Variants in OGG1 observed in about 807,000 individuals in gnomAD.
OGG1 encodes N-glycosylase/DNA lyase.
In OGG1, 35 loss-of-function variants were observed where a neutral mutation model predicts 42.3. The ratio of observed to expected loss-of-function variants is 0.83; its 90% CI spans 0.63 to 1.10. OGG1 has a LOEUF of 1.10. Ranked by LOEUF, OGG1 falls within the 50% of genes least tolerant of loss-of-function variation. The pLI, the probability that OGG1 is intolerant of heterozygous loss-of-function variation, is 0.00. For synonymous variants in OGG1, 189 were observed against 179.0 expected (o/e 1.06, Z -0.44); for missense variants, 484 against 446.7 (o/e 1.08, Z -0.75).
chr3:9,763,912 G>C (rs1015006284), intron 7 of OGG1, among the ~76,000 whole-genome samples: 5 of 152,066 alleles, frequency 3.3e-5, no homozygotes, highest in Non-Finnish European at 5.9e-5. Flanking sequence ...CTTAAACCTG[G>C]GAAACGGAGG....
chr3:9,763,934 C>T (rs528169694), intron 7 of OGG1, among the ~76,000 whole-genome samples: 2 of 152,220 alleles, frequency 1.3e-5, no homozygotes, highest in Non-Finnish European at 2.9e-5. Flanking sequence ...TGCAGTGAGT[C>T]GAGATCATGC....
downstream of OGG1, chr3:9,761,897 A>G: frequency 7.2e-6 from 10 of 1,382,346 alleles, no homozygotes; most frequent in Non-Finnish European, 9.6e-6. Context: ...AAGAAAATCA[A>G]GGAAGCTCTC....
At chr3:9,780,129 T>G in intron 2 of OGG1, 1 of 442,546 alleles carries the variant, frequency 2.3e-6, no homozygotes, top group Non-Finnish European at 4.0e-6. Context: ...TCCAACCCCA[T>G]CTCGGGGACC....
intron 2 of OGG1, among the ~76,000 whole-genome samples, chr3:9,777,198 T>A (rs1160569736): frequency 6.6e-6 from 1 of 152,244 alleles, no homozygotes; most frequent in East Asian, 1.9e-4. Context: ...GAGACCATGA[T>A]GTGCAAGACA....
At chr3:9,754,939 A>C in intron 4 of OGG1, 54 bp downstream of exon 4, 1 of 1,485,354 alleles carries the variant, frequency 6.7e-7, no homozygotes, top group South Asian at 1.2e-5. Context: ...AGAGGAGAGC[A>C]GGAAATGAGC....
chr3:9,774,574 T>C (rs1045051845), intron 2 of OGG1, among the ~76,000 whole-genome samples: 1 of 152,230 alleles, frequency 6.6e-6, no homozygotes, highest in African/African-American at 2.4e-5. Context: ...ATTTATTATA[T>C]AAACAGCACA....
downstream of OGG1, among the ~76,000 whole-genome samples, chr3:9,768,636 T>G (rs1245082541): frequency 6.6e-6 from 1 of 152,220 alleles, no homozygotes; most frequent in Non-Finnish European, 1.5e-5. Context: ...TGGCCTTGGC[T>G]GGTACTTCCA....
At chr3:9,751,697 C>A in intron 2 of OGG1, 73 bp from the exon 3 acceptor site, 1 of 1,428,254 alleles carries the variant, frequency 7.0e-7, no homozygotes, top group East Asian at 2.3e-5. Context: ...TACCTAGGAT[C>A]TGACCTGTGG....
At chr3:9,760,953 C>T (rs371068487), downstream of OGG1, 10 of 854,642 alleles carry the variant, frequency 1.2e-5, no homozygotes, top group Admixed American at 3.0e-5. Flanking sequence ...TTGTATGTGC[C>T]GCCATCTTGC....
chr3:9,756,518 G>A lies in OGG1; in HGVS notation c.795G>A (p.Val265=). 6.2e-7 allele frequency: 1 copy of A among 1,614,160 alleles called. No homozygotes were observed. Among genetic ancestry groups the A allele is most frequent in the Non-Finnish European group, 8.5e-7 (1 of 1,180,028 alleles). ...CLMALDKPQA[V]PVDVHMWHIA... is the part of the protein sequence containing the mutation. ...TGGCCCTAGACAAGCCCCAGGCTGT[G>A]CCCGTGGATGTCCATATGTGGCACA... Residue 265 remains valine (V), a synonymous_variant, in exon 5 of 7, where the codon GTG becomes GTA. Transcript: ENST00000344629.
In OGG1 at chr3:9,757,404, A is replaced by C; in HGVS notation, c.*254A>C. On this transcript the variant is annotated 3_prime_UTR_variant, in exon 7 of 7. Coordinates refer to ENST00000344629, the MANE Select transcript of OGG1 (RefSeq NM_002542.6). The surrounding 1 kb of genome is among the most constrained non-coding windows in gnomAD (Gnocchi z 4.5). Reference sequence around the variant, plus strand: ...CAATAAAATAGAAACATTTGTATGGAAAATGCAGTGAGGAGTGGTAGGGAA... The same window carrying C: ...CAATAAAATAGAAACATTTGTATGGCAAATGCAGTGAGGAGTGGTAGGGAA... 2 of 1,610,622 alleles carry C rather than the reference A, an allele frequency of 1.2e-6. No individual in the cohort carries two copies. The highest frequency in any genetic ancestry group is 1.7e-6 in the Non-Finnish European group (2 of 1,178,190).
At chr3:9,786,966 CAA>C in intron 3 of OGG1, 1 of 1,551,502 alleles carries the variant, frequency 6.4e-7, no homozygotes, top group Non-Finnish European at 8.9e-7. Flanking sequence ...CATTAAAACA[CAA>C]AGTAAATATG....
chr3:9,788,512 T>G (rs1212106292), downstream of OGG1, among the ~76,000 whole-genome samples: 2 of 151,594 alleles, frequency 1.3e-5, no homozygotes, highest in Non-Finnish European at 2.9e-5. Context: ...CCCAAAGGGC[T>G]GGGATTACAG....
At chr3:9,779,611 A>T (rs1398724054) in intron 2 of OGG1, among the ~76,000 whole-genome samples, 2 of 152,246 alleles carry the variant, frequency 1.3e-5, no homozygotes, top group East Asian at 3.9e-4. Context: ...CATATGTAAC[A>T]AACCTGCACG....
rs906550925 is a variant in OGG1 at position 9,787,727 on chromosome 3, G to A, written c.383-1G>A. ...TGCTGTCTGTATGAACTCTTTTTCA[G>A]ATAAATTTTTAAGAAATCAGATAAG... On this transcript the variant is annotated splice_acceptor_variant, in intron 3 of 3. Coordinates refer to the OGG1 transcript ENST00000426518. LOFTEE classifies it high-confidence loss of function. 1.2e-5 allele frequency: 16 copies of A among 1,299,356 alleles called. No homozygotes were observed. The highest frequency in any genetic ancestry group is 3.0e-5 in the African/African-American group (2 of 66,274). The allele number at this position is 1,299,356 out of a possible 1,614,324, so 80.5% of individuals were successfully genotyped here.
chr3:9,780,368 G>A, intron 2 of OGG1: 1 of 1,612,520 alleles, frequency 6.2e-7, no homozygotes, highest in African/African-American at 1.3e-5. Context: ...TACCCATCCA[G>A]CAGCTTCAGG....
chr3:9,759,225 A>C (rs1316076801), downstream of OGG1: 1 of 1,613,926 alleles, frequency 6.2e-7, no homozygotes, highest in African/African-American at 1.3e-5. Flanking sequence ...CCTTTCTCGG[A>C]CCCCATAGGC....
At chr3:9,767,587 G>A (rs2078188968), downstream of OGG1, 2 of 1,562,028 alleles carry the variant, frequency 1.3e-6, no homozygotes, top group Non-Finnish European at 8.8e-7. Context: ...GAAACAGGAA[G>A]CATTAATTGA....
At chr3:9,756,396 G>T in intron 4 of OGG1, 75 bp from the exon 5 acceptor site, 1 of 1,496,626 alleles carries the variant, frequency 6.7e-7, no homozygotes. Context: ...AAAGCAGCCG[G>T]CTTTGGGGCT....
Sources: gnomAD v4.1 joint callset for allele counts (sites outside exome capture counted in the v4.1 genomes callset) on GRCh38, gnomAD v4.1.1 for gene constraint, Gnocchi (gnomAD v3.1) non-coding constraint, MANE v1.5 for transcripts, NCBI Gene and HGNC (gene_info 2026-07-23, HGNC 2026-07-21) for gene names.